Variants in SIRPA observed in about 807,000 individuals in gnomAD.
SIRPA encodes the protein tyrosine-protein phosphatase non-receptor type substrate 1.
A neutral mutation model predicts 50.3 loss-of-function variants in SIRPA; 9 were observed. The observed-to-expected ratio is 0.18, with a 90% CI of 0.11 to 0.31. The LOEUF (loss-of-function observed/expected upper bound fraction) is 0.31. Among genes scored for constraint, SIRPA ranks in the 10% least tolerant of loss-of-function variants. The probability of loss-of-function intolerance (pLI) is 1.00; values close to 1 mark genes in which losing one functional copy is unlikely to be tolerated. For synonymous variants in SIRPA, 265 were observed against 284.1 expected (o/e 0.93, Z 0.68); for missense variants, 474 against 661.6 (o/e 0.72, Z 3.11).
intron 7 of SIRPA, among the ~76,000 whole-genome samples, chr20:1,935,957 T>C (rs1034466023): frequency 1.3e-5 from 2 of 152,146 alleles, no homozygotes; most frequent in African/African-American, 4.8e-5. Context: ...CAACACACTT[T>C]GGTTCTTTGC....
At chr20:1,935,794 C>T (rs1568515792) in intron 7 of SIRPA, among the ~76,000 whole-genome samples, 1 of 152,210 alleles carries the variant, frequency 6.6e-6, no homozygotes, top group Non-Finnish European at 1.5e-5. Context: ...CACAGCCCAG[C>T]TGGCAGAGTG....
At chr20:1,914,855 C>G (rs1450925397) in intron 1 of SIRPA, among the ~76,000 whole-genome samples, 1 of 152,076 alleles carries the variant, frequency 6.6e-6, no homozygotes, top group Non-Finnish European at 1.5e-5. Flanking sequence ...CAGAGAGGGT[C>G]CAGGCATTCA....
Position 1,932,659 on chromosome 20 carries a change from G to A in SIRPA, c.1227-2056G>A, listed in dbSNP as rs958278610. ...GCATTTCAGATAGGGAGAATGGAGG[G>A]CAGGGAAGCAGGAATAGAGGTGGGG... On this transcript the variant is annotated intron_variant, in intron 6 of 7. Coordinates refer to ENST00000358771, the MANE Select transcript of SIRPA (RefSeq NM_001040023.2). This position sits in a 1 kb window ranked among gnomAD's most constrained non-coding sequence, Gnocchi z 6.0. 6.6e-6 allele frequency among the ~76,000 whole-genome samples: 1 copy of A among 152,174 alleles called. No homozygotes were observed. The highest frequency in any genetic ancestry group is 2.4e-5 in the African/African-American group (1 of 41,414).
At chr20:1,894,191 G>A (rs560448653), upstream of SIRPA, 2 of 152,378 alleles carry the variant, frequency 1.3e-5, no homozygotes, top group Non-Finnish European at 2.9e-5. The surrounding 1 kb of genome is among the most constrained non-coding windows in gnomAD (Gnocchi z 4.0). Flanking sequence ...ACCCCCAAGA[G>A]GGGCCTTCAG....
chr20:1,932,836 C>T lies in SIRPA; in HGVS notation c.1227-1879C>T, dbSNP rs1208761306. 2.0e-5 allele frequency among the ~76,000 whole-genome samples: 3 copies of T among 152,162 alleles called. No homozygotes were observed. The highest frequency in any genetic ancestry group is 4.4e-5 in the Non-Finnish European group (3 of 68,030). On this transcript the variant is annotated intron_variant, in intron 6 of 7. Coordinates refer to ENST00000358771, the MANE Select transcript of SIRPA (RefSeq NM_001040023.2). The surrounding 1 kb of genome is among the most constrained non-coding windows in gnomAD (Gnocchi z 6.0). ...AAAGGAAGAGAGAGAAGAATCAGGA[C>T]TGACTCCCACTTCTCCAGCCTGAGC...
intron 1 of SIRPA, among the ~76,000 whole-genome samples, chr20:1,901,641 C>T (rs567145796): frequency 2.0e-5 from 3 of 152,256 alleles, no homozygotes; most frequent in East Asian, 1.9e-4. Context: ...AAGCCCTCCA[C>T]GAGATGGATT....
At chr20:1,919,775 C>T (rs960333232) in intron 2 of SIRPA, among the ~76,000 whole-genome samples, 10 of 152,080 alleles carry the variant, frequency 6.6e-5, no homozygotes, top group South Asian at 2.1e-4. Context: ...AAAGCCAATT[C>T]GCCAAACTTG....
At chr20:1,921,356 C>T in intron 2 of SIRPA, 39 bp from the exon 3 acceptor site, 4 of 1,609,774 alleles carry the variant, frequency 2.5e-6, no homozygotes, top group Middle Eastern at 3.3e-4. Flanking sequence ...TGATTGTCAT[C>T]TGAGTCATGT....
intron 2 of SIRPA, 32 bp downstream of exon 2, chr20:1,915,487 G>T: frequency 6.2e-7 from 1 of 1,610,406 alleles, no homozygotes; most frequent in Non-Finnish European, 8.5e-7. Context: ...TTTGCCTCTG[G>T]TTTGTGACAG....
Position 1,912,383 on chromosome 20 carries a change from G to A in SIRPA, c.80-2716G>A, listed in dbSNP as rs370522057. On this transcript the variant is annotated intron_variant, in intron 1 of 7. Transcript: ENST00000358771. The stretch of plus-strand genomic sequence containing the variant: ...CGGGCCTGCACCCTCCCCTGGATAT[G>A]CCAGTATCAACTCCACCTAACACAT... Among the ~76,000 whole-genome samples the A allele has an allele frequency of 5.8e-4, 89 of 152,328 alleles. 1 individual carries two copies. The South Asian group carries it at 0.018, about 31-fold the overall frequency.
At chr20:1,905,440 T>C (rs1568495469) in intron 1 of SIRPA, among the ~76,000 whole-genome samples, 1 of 152,218 alleles carries the variant, frequency 6.6e-6, no homozygotes. Flanking sequence ...CACCTGCCAC[T>C]CTGGGCCAGG....
At chr20:1,902,267 G>C (rs1379080498) in intron 1 of SIRPA, among the ~76,000 whole-genome samples, 4 of 152,004 alleles carry the variant, frequency 2.6e-5, no homozygotes, top group African/African-American at 9.7e-5. Flanking sequence ...CTTCATGTGA[G>C]CTGTTACCTG....
At chr20:1,925,300 C>T (rs1169370400) in intron 5 of SIRPA, among the ~76,000 whole-genome samples, 15 of 152,198 alleles carry the variant, frequency 9.9e-5, no homozygotes, top group African/African-American at 9.7e-5. Flanking sequence ...GAGATAATAG[C>T]GCCACCATTT....
intron 1 of SIRPA, among the ~76,000 whole-genome samples, chr20:1,899,021 C>T (rs1983998621): frequency 6.6e-6 from 1 of 151,930 alleles, no homozygotes. Flanking sequence ...ATCCCACACG[C>T]GCTCGCTTGC....
At chr20:1,935,542 C>G (rs530678433) in intron 7 of SIRPA, among the ~76,000 whole-genome samples, 22 of 152,362 alleles carry the variant, frequency 1.4e-4, no homozygotes, top group Admixed American at 3.3e-4. Context: ...CCCTTGTGAC[C>G]CATGGGGTCC....
At chr20:1,901,163 C>CTTTTTTTTTTTTTTT (rs869181595) in intron 1 of SIRPA, among the ~76,000 whole-genome samples, 4 of 78,888 alleles carry the variant, frequency 5.1e-5, no homozygotes, top group East Asian at 5.7e-4. Flanking sequence ...TTCTTTCTTT[C>CTTTTTTTTTTTTTTT]TTTTTTTTTT....
chr20:1,906,192 G>A (rs1984535668), intron 1 of SIRPA, among the ~76,000 whole-genome samples: 1 of 152,136 alleles, frequency 6.6e-6, no homozygotes, highest in Non-Finnish European at 1.5e-5. Flanking sequence ...GAGGTCCAGA[G>A]TGGGCGAGAC....
chr20:1,919,971 C>A (rs1438412966), intron 2 of SIRPA, among the ~76,000 whole-genome samples: 1 of 139,286 alleles, frequency 7.2e-6, no homozygotes, highest in Admixed American at 7.0e-5. Context: ...AATGACCAGA[C>A]CTCCTGATAA....
intron 5 of SIRPA, among the ~76,000 whole-genome samples, chr20:1,926,416 A>G (rs2122139762): frequency 6.6e-6 from 1 of 152,374 alleles, no homozygotes; most frequent in African/African-American, 2.4e-5. Context: ...CCCAGGCAGC[A>G]CGCCAGCTCC....
Sources: gnomAD v4.1 joint callset for allele counts (sites outside exome capture counted in the v4.1 genomes callset) on GRCh38, gnomAD v4.1.1 for gene constraint, Gnocchi (gnomAD v3.1) non-coding constraint, MANE v1.5 for transcripts, NCBI Gene and HGNC (gene_info 2026-07-23, HGNC 2026-07-21) for gene names.